Variants in STXBP5L observed in about 807,000 individuals in gnomAD.
STXBP5L encodes the protein syntaxin binding protein 5L.
STXBP5L carries 65 observed loss-of-function variants against 144.5 expected under a neutral mutation model. The observed-to-expected ratio is 0.45, with a 90% CI of 0.37 to 0.55. STXBP5L has a LOEUF of 0.55. STXBP5L is among the 20% of genes least tolerant of loss of function. The probability of loss-of-function intolerance (pLI) is 0.00; values close to 1 mark genes in which losing one functional copy is unlikely to be tolerated. For missense variants in STXBP5L, 1,298 were observed against 1,405.5 expected (o/e 0.92, Z 1.22); for synonymous variants, 505 against 469.6 (o/e 1.08, Z -0.97).
At chr3:121,099,641 C>T (rs1011271608) in intron 5 of STXBP5L, 2 of 152,850 alleles carry the variant, frequency 1.3e-5, no homozygotes, top group Non-Finnish European at 1.5e-5. Context: ...AGAAGAAAAC[C>T]TCTATTGGAC....
intron 3 of STXBP5L, among the ~76,000 whole-genome samples, chr3:121,025,763 TAATG>T (rs1333842710): frequency 1.3e-5 from 2 of 151,276 alleles, no homozygotes; most frequent in Non-Finnish European, 3.0e-5. Flanking sequence ...ATAAATTGCT[TAATG>T]AATAAACATC....
chr3:121,110,015 A>G (rs1056956860), intron 5 of STXBP5L, among the ~76,000 whole-genome samples: 1 of 152,160 alleles, frequency 6.6e-6, no homozygotes, highest in African/African-American at 2.4e-5. Context: ...GTCTTGTCAG[A>G]AACTAGGATT....
intron 5 of STXBP5L, among the ~76,000 whole-genome samples, chr3:121,054,257 T>G (rs1165459010): frequency 1.3e-5 from 2 of 152,060 alleles, no homozygotes; most frequent in Non-Finnish European, 2.9e-5. Context: ...ACCCAAAGGA[T>G]TATAAATCAT....
intron 3 of STXBP5L, among the ~76,000 whole-genome samples, chr3:120,980,268 CTTTG>C (rs1487127386): frequency 6.6e-6 from 1 of 152,040 alleles, no homozygotes; most frequent in Non-Finnish European, 1.5e-5. Flanking sequence ...TAAAGACTTT[CTTTG>C]TTGATTTTTC....
chr3:121,330,530 C>G (rs2044289837), intron 20 of STXBP5L, among the ~76,000 whole-genome samples: 1 of 152,086 alleles, frequency 6.6e-6, no homozygotes. Context: ...GTTCTATGAC[C>G]CCACTCATTG....
intron 20 of STXBP5L, among the ~76,000 whole-genome samples, chr3:121,337,281 C>G (rs367591822): frequency 1.3e-5 from 2 of 151,832 alleles, no homozygotes; most frequent in South Asian, 4.2e-4. Flanking sequence ...AAATCACAAA[C>G]CAAATATCAG....
At chr3:121,078,341 G>A (rs540160652) in intron 5 of STXBP5L, among the ~76,000 whole-genome samples, 5 of 152,116 alleles carry the variant, frequency 3.3e-5, no homozygotes, top group Non-Finnish European at 7.4e-5. Context: ...GCTAGACACA[G>A]GGTGCTGATT....
intron 12 of STXBP5L, among the ~76,000 whole-genome samples, chr3:121,234,842 T>C (rs2108319359): frequency 6.6e-6 from 1 of 152,214 alleles, no homozygotes; most frequent in Middle Eastern, 3.4e-3. Flanking sequence ...AGTTCTAATA[T>C]GAGTCTTATT....
chr3:120,909,684 T>G lies in STXBP5L; in HGVS notation c.106T>G (p.Ser36Ala), dbSNP rs1708725059. Residue 36 changes from serine to alanine, a missense_variant, in exon 2 of 27, where the codon TCC becomes GCC. By Grantham distance (99) the Ser-to-Ala change is moderately conservative. Transcript: ENST00000471454. ...CAGTGGTGGTGGGGCTGGAAGTGGT[T>G]CCGTACATCCGGCGGGGACTGCAGG... The part of the protein sequence containing the change: ...SNSGGGAGSG[S>A]VHPAGTAGVL... 4 of 1,612,992 alleles carry G rather than the reference T, an allele frequency of 2.5e-6. No homozygotes were observed. The highest frequency in any genetic ancestry group is 2.5e-6 in the Non-Finnish European group (3 of 1,179,740).
intron 5 of STXBP5L, among the ~76,000 whole-genome samples, chr3:121,054,440 G>A (rs972759394): frequency 6.6e-6 from 1 of 152,016 alleles, no homozygotes; most frequent in Non-Finnish European, 1.5e-5. Flanking sequence ...GTCCTTTGTA[G>A]GGACATGGAT....
intron 20 of STXBP5L, among the ~76,000 whole-genome samples, chr3:121,350,957 C>T (rs1343212637): frequency 6.6e-6 from 1 of 152,186 alleles, no homozygotes. Flanking sequence ...CTTCTCTCAA[C>T]TCGTCAAAAT....
chr3:121,309,952 A>G (rs1398652750), intron 19 of STXBP5L, among the ~76,000 whole-genome samples: 3 of 152,176 alleles, frequency 2.0e-5, no homozygotes, highest in African/African-American at 7.2e-5. Context: ...ATTAATTATG[A>G]TAGTGTGGTA....
intron 14 of STXBP5L, among the ~76,000 whole-genome samples, chr3:121,248,498 C>T (rs1288449828): frequency 2.0e-5 from 3 of 151,988 alleles, no homozygotes; most frequent in African/African-American, 4.8e-5. Flanking sequence ...ATCTGGTTTT[C>T]GCTTTTTGGT....
intron 5 of STXBP5L, among the ~76,000 whole-genome samples, chr3:121,064,162 G>A (rs1266655414): frequency 6.6e-6 from 1 of 152,200 alleles, no homozygotes; most frequent in Non-Finnish European, 1.5e-5. Flanking sequence ...TGTGAAGACT[G>A]TGGAAAGTGT....
chr3:120,931,541 A>G (rs1249719782), intron 2 of STXBP5L, among the ~76,000 whole-genome samples: 1 of 152,220 alleles, frequency 6.6e-6, no homozygotes, highest in Non-Finnish European at 1.5e-5. Flanking sequence ...TGCAGCTTAC[A>G]GCTGTTAGAG....
chr3:121,076,892 T>C (rs1005796916), intron 5 of STXBP5L, among the ~76,000 whole-genome samples: 1 of 152,180 alleles, frequency 6.6e-6, no homozygotes, highest in Non-Finnish European at 1.5e-5. Context: ...CAGGAGGTTT[T>C]GATACTACTT....
At chr3:120,983,040 A>C (rs1941944959) in intron 3 of STXBP5L, among the ~76,000 whole-genome samples, 1 of 152,150 alleles carries the variant, frequency 6.6e-6, no homozygotes, top group South Asian at 2.1e-4. Flanking sequence ...TGAGCAGTGG[A>C]GGCAGGCAGC....
intron 5 of STXBP5L, among the ~76,000 whole-genome samples, chr3:121,070,463 A>C (rs569973200): frequency 6.6e-6 from 1 of 152,268 alleles, no homozygotes; most frequent in Non-Finnish European, 1.5e-5. Context: ...CACACTTTGC[A>C]GCAACTTTAG....
intron 4 of STXBP5L, among the ~76,000 whole-genome samples, chr3:121,042,523 A>G (rs1947230572): frequency 6.6e-6 from 1 of 152,176 alleles, no homozygotes; most frequent in African/African-American, 2.4e-5. Flanking sequence ...GCAGGCACTT[A>G]GAAGATTGAA....
Sources: allele counts gnomAD v4.1 joint callset (sites outside exome capture counted in the v4.1 genomes callset), GRCh38; gene constraint gnomAD v4.1.1; transcripts MANE v1.5; gene names NCBI Gene and HGNC (gene_info 2026-07-23, HGNC 2026-07-21).